MAGI1: variants seen among roughly 807,000 people sequenced by gnomAD.
MAGI1 encodes the protein membrane-associated guanylate kinase, WW and PDZ domain-containing protein 1.
MAGI1 carries 58 observed loss-of-function variants against 139.9 expected under a neutral mutation model. The ratio of observed to expected loss-of-function variants is 0.41; its 90% CI spans 0.34 to 0.52. MAGI1 has a LOEUF of 0.52. Ranked by LOEUF, MAGI1 falls within the 20% of genes least tolerant of loss-of-function variation. MAGI1 has a pLI of 0.12. For synonymous variants in MAGI1, 812 were observed against 737.9 expected (o/e 1.10, Z -1.63); for missense variants, 1,874 against 1,901.6 (o/e 0.99, Z 0.27).
chr3:65,827,999 C>A (rs549745908), intron 1 of MAGI1, among the ~76,000 whole-genome samples: 2 of 152,196 alleles, frequency 1.3e-5, no homozygotes, highest in Non-Finnish European at 2.9e-5. Flanking sequence ...AACCAGGAAC[C>A]ACTCACTCAC....
At chr3:65,853,561 T>C (rs1195781726) in intron 1 of MAGI1, among the ~76,000 whole-genome samples, 1 of 152,174 alleles carries the variant, frequency 6.6e-6, no homozygotes, top group Non-Finnish European at 1.5e-5. Flanking sequence ...CATTTCTCAG[T>C]TCTGCCCACA....
At chr3:65,570,865 G>T (rs1199442137) in intron 2 of MAGI1, among the ~76,000 whole-genome samples, 3 of 152,110 alleles carry the variant, frequency 2.0e-5, no homozygotes, top group South Asian at 2.1e-4. Flanking sequence ...TGGTTGTTTG[G>T]GGGGCTCTTT....
intron 2 of MAGI1, among the ~76,000 whole-genome samples, chr3:65,509,509 G>A (rs1003078897): frequency 1.3e-5 from 2 of 152,210 alleles, no homozygotes; most frequent in African/African-American, 4.8e-5. Flanking sequence ...CAAGGGGCCA[G>A]GGAGTTCCCT....
chr3:65,880,235 C>A (rs1318080448), intron 1 of MAGI1, among the ~76,000 whole-genome samples: 1 of 145,282 alleles, frequency 6.9e-6, no homozygotes, highest in Non-Finnish European at 1.5e-5. Context: ...GAGCAAGACC[C>A]TGTCTCAAGA....
At chr3:65,604,568 C>T (rs890772434) in intron 2 of MAGI1, among the ~76,000 whole-genome samples, 6 of 151,992 alleles carry the variant, frequency 3.9e-5, no homozygotes, top group African/African-American at 9.7e-5. Flanking sequence ...TAAATCACTT[C>T]ACAGTTATTT....
intron 2 of MAGI1, among the ~76,000 whole-genome samples, chr3:65,500,680 C>T (rs1245649343): frequency 6.6e-6 from 1 of 152,204 alleles, no homozygotes; most frequent in Admixed American, 6.5e-5. Flanking sequence ...CTTCCCAACG[C>T]CATGCGGTTT....
At chr3:65,799,347 A>G (rs2040365650) in intron 1 of MAGI1, among the ~76,000 whole-genome samples, 1 of 152,136 alleles carries the variant, frequency 6.6e-6, no homozygotes, top group Non-Finnish European at 1.5e-5. Flanking sequence ...GGAAGCACCG[A>G]GCCTATACAA....
intron 1 of MAGI1, among the ~76,000 whole-genome samples, chr3:65,793,242 T>C (rs1251677252): frequency 9.2e-5 from 14 of 152,326 alleles, no homozygotes; most frequent in African/African-American, 3.1e-4. Flanking sequence ...TTAGCCAGTT[T>C]AGCCAGGATA....
chr3:65,401,389 C>CCA, intron 13 of MAGI1, 50 bp downstream of exon 13: 1 of 1,548,748 alleles, frequency 6.5e-7, no homozygotes, highest in Non-Finnish European at 8.8e-7. Context: ...TCCAGCCCCC[C>CCA]ACCATCCACC....
chr3:65,967,435 G>T (rs559636456), intron 1 of MAGI1, among the ~76,000 whole-genome samples: 422 of 152,284 alleles, frequency 2.8e-3, no homozygotes, highest in Non-Finnish European at 4.8e-3. Flanking sequence ...CAGGATGAAA[G>T]GATTTCCCCA....
chr3:65,699,393 C>T (rs1267897470), intron 1 of MAGI1, among the ~76,000 whole-genome samples: 1 of 148,442 alleles, frequency 6.7e-6, no homozygotes, highest in Non-Finnish European at 1.5e-5. Context: ...ACCCAAAGGA[C>T]TATAAATCAT....
At chr3:65,677,301 G>C (rs1282102131) in intron 1 of MAGI1, among the ~76,000 whole-genome samples, 1 of 152,116 alleles carries the variant, frequency 6.6e-6, no homozygotes, top group African/African-American at 2.4e-5. Context: ...CTATTGGCCA[G>C]CTAGGGTCAA....
At chr3:65,362,170 T>G (rs935582678) in intron 21 of MAGI1, among the ~76,000 whole-genome samples, 2 of 152,180 alleles carry the variant, frequency 1.3e-5, no homozygotes, top group African/African-American at 4.8e-5. Flanking sequence ...GTCTACTTTC[T>G]TACTTATAGA....
chr3:65,613,886 G>T (rs900158561), intron 2 of MAGI1, among the ~76,000 whole-genome samples: 3 of 152,104 alleles, frequency 2.0e-5, no homozygotes, highest in Admixed American at 2.0e-4. Context: ...AAAGCCTAAA[G>T]AGAAACTGAA....
chr3:65,601,559 G>A (rs1346348794), intron 2 of MAGI1, among the ~76,000 whole-genome samples: 2 of 152,048 alleles, frequency 1.3e-5, no homozygotes, highest in Non-Finnish European at 2.9e-5. Flanking sequence ...CAACAGTGTT[G>A]GGACAACTGG....
chr3:65,922,533 C>T (rs993836932), intron 1 of MAGI1, among the ~76,000 whole-genome samples: 2 of 152,250 alleles, frequency 1.3e-5, no homozygotes, highest in South Asian at 4.2e-4. Context: ...CCACCAGAAG[C>T]TAGAAAGAGA....
At chr3:65,523,895 G>A (rs1285019966) in intron 2 of MAGI1, among the ~76,000 whole-genome samples, 3 of 152,262 alleles carry the variant, frequency 2.0e-5, no homozygotes, top group Non-Finnish European at 2.9e-5. Flanking sequence ...GCACGCTACA[G>A]AAGAGCTTAT....
intron 9 of MAGI1, among the ~76,000 whole-genome samples, chr3:65,439,108 A>G (rs9880755): frequency 0.96 from 146,335 of 152,190 alleles, 70,407 homozygotes; most frequent in East Asian, 0.99. Flanking sequence ...GGGGAAAGCC[A>G]GAGTATCTAG....
intron 1 of MAGI1, among the ~76,000 whole-genome samples, chr3:65,731,474 G>A (rs1195747911): frequency 6.8e-6 from 1 of 146,998 alleles, no homozygotes; most frequent in African/African-American, 2.5e-5. Flanking sequence ...GCAACACAGT[G>A]AAGCCCTATC....
Sources: allele counts gnomAD v4.1 joint callset (sites outside exome capture counted in the v4.1 genomes callset), GRCh38; gene constraint gnomAD v4.1.1; transcripts MANE v1.5; gene names NCBI Gene and HGNC (gene_info 2026-07-23, HGNC 2026-07-21).